Variants in EZH1 observed in about 807,000 individuals in gnomAD.
The protein encoded by EZH1 is histone-lysine N-methyltransferase EZH1.
In EZH1, 33 loss-of-function variants were observed where a neutral mutation model predicts 100.5. The ratio of observed to expected loss-of-function variants is 0.33; its 90% CI spans 0.25 to 0.44. EZH1 has a LOEUF of 0.44. Among genes scored for constraint, EZH1 ranks in the 20% least tolerant of loss-of-function variants. The pLI, the probability that EZH1 is intolerant of heterozygous loss-of-function variation, is 1.00. For synonymous variants in EZH1, 272 were observed against 313.8 expected (o/e 0.87, Z 1.41); for missense variants, 475 against 928.4 (o/e 0.51, Z 6.35).
intron 10 of EZH1, chr17:42,714,720 T>G (rs983512043): frequency 9.3e-6 from 2 of 215,770 alleles, no homozygotes; most frequent in African/African-American, 4.6e-5. Flanking sequence ...TATCTGGAAT[T>G]TGGAATAATA....
intron 11 of EZH1, 114 bp downstream of exon 11, chr17:42,713,095 T>C: frequency 5.5e-6 from 5 of 907,136 alleles, no homozygotes; most frequent in Non-Finnish European, 6.5e-6. Flanking sequence ...ACAAAACTTG[T>C]AGAAAGAATT....
chr17:42,709,594 G>A (rs2143736191), intron 13 of EZH1: 2 of 404,200 alleles, frequency 4.9e-6, no homozygotes, highest in East Asian at 8.1e-5. Flanking sequence ...ATGTCCTATT[G>A]GCCAGAAGCT....
rs1393619685 is a variant in EZH1, at chr17:42,712,355, G to C, written c.1335C>G (p.Phe445Leu). The change falls in exon 12 of 21, where the codon TTC becomes TTG. Residue 445 changes from phenylalanine to leucine, a missense_variant. Phe to Leu is a conservative substitution (Grantham distance 22). This residue lies in a region of EZH1 where 83 missense variants were observed against 142.1 expected (regional missense o/e 0.58). Coordinates refer to ENST00000428826, the MANE Select transcript of EZH1 (RefSeq NM_001991.5). Reference sequence around the variant, plus strand: ...AGAAGTTGTTGAAGTAGGTGCCATGGAAGACTCGAAAAAGAGATTCTTCAG... The same window carrying C: ...AGAAGTTGTTGAAGTAGGTGCCATGCAAGACTCGAAAAAGAGATTCTTCAG... ...TGAEESLFRV[F>L]HGTYFNNFCS... 1 of 1,614,162 alleles carries C rather than the reference G, an allele frequency of 6.2e-7. No homozygotes were observed. Among genetic ancestry groups the C allele is most frequent in the South Asian group, 1.1e-5 (1 of 91,088 alleles).
At chr17:42,707,073 A>G (rs533915167) in intron 15 of EZH1, among the ~76,000 whole-genome samples, 11 of 152,262 alleles carry the variant, frequency 7.2e-5, no homozygotes, top group African/African-American at 2.4e-4. Flanking sequence ...GAAGTAAAAG[A>G]TAAGTACCCG....
chr17:42,712,422 C>G lies in EZH1; in HGVS notation c.1268G>C (p.Cys423Ser). ...QKASPAPPQL[C>S]VVEAPSEPVE... ...AGGCTCCGAGGGTGCTTCCACTACG[C>G]AGAGTTGAGGTGGGGCTGGACTAGC... is the stretch of plus-strand genomic sequence containing the variant. The change falls in exon 12 of 21, where the codon TGC becomes TCC. Residue 423 changes from cysteine to serine, a missense_variant. Around this residue, in one of 8 missense-constraint regions of EZH1, gnomAD observed 83 missense variants for 142.1 expected, o/e 0.58. Transcript: ENST00000428826. 1 of 1,614,172 alleles carries G rather than the reference C, an allele frequency of 6.2e-7. No homozygotes were observed. Among genetic ancestry groups the G allele is most frequent in the Non-Finnish European group, 8.5e-7 (1 of 1,180,022 alleles).
At position 42,718,699 on chromosome 17, in the gene EZH1, C is replaced by G; in HGVS notation, c.768-82G>C. On this transcript the variant is annotated intron_variant, in intron 8 of 20. Coordinates refer to ENST00000428826, the MANE Select transcript of EZH1 (RefSeq NM_001991.5). This position sits in a 1 kb window ranked among gnomAD's most constrained non-coding sequence, Gnocchi z 4.2. ...TACAGATTGGGTACTGACAGTAGCT[C>G]ACCTACGGTCTGCCAAGGGAGGATG... 6.9e-7 allele frequency: 1 copy of G among 1,454,744 alleles called. No individual in the cohort carries two copies. Among genetic ancestry groups the G allele is most frequent in the Non-Finnish European group, 9.5e-7 (1 of 1,054,692 alleles). 90.1% of individuals were successfully genotyped at this position (1,454,744 alleles called of 1,614,324 possible).
intron 4 of EZH1, among the ~76,000 whole-genome samples, chr17:42,727,041 T>A (rs1225532662): frequency 6.6e-6 from 1 of 150,574 alleles, no homozygotes; most frequent in East Asian, 2.0e-4. Context: ...GTAGAGACAG[T>A]GTTTCGCTAT....
At chr17:42,712,874 C>G (rs2053513108) in intron 11 of EZH1, among the ~76,000 whole-genome samples, 1 of 152,024 alleles carries the variant, frequency 6.6e-6, no homozygotes, top group African/African-American at 2.4e-5. Flanking sequence ...CCCGTCTCTA[C>G]TAAAAATATA....
intron 15 of EZH1, 69 bp downstream of exon 15, chr17:42,707,889 T>A: frequency 6.2e-7 from 1 of 1,601,706 alleles, no homozygotes; most frequent in Non-Finnish European, 8.5e-7. Flanking sequence ...GGCACAGGAA[T>A]GGGGCAAGCC....
In EZH1 at chr17:42,706,162, G is replaced by A. The variant is rs747602257; in HGVS notation, c.1684C>T (p.Arg562Cys). 5 of 1,610,398 alleles carry A rather than the reference G, an allele frequency of 3.1e-6. No individual in the cohort carries two copies. Among genetic ancestry groups the A allele is most frequent in the Non-Finnish European group, 4.2e-6 (5 of 1,177,916 alleles). The stretch of plus-strand genomic sequence containing the variant: ...TTGGTATTGCACTGGGTCTTACAGC[G>A]ACAGCCAGGGAAACGATTCTGACCT... ...PDCQNRFPGC[R>C]CKTQCNTKQC... Residue 562 changes from arginine (R) to cysteine (C), a missense_variant, in exon 16 of 21, where the codon CGC (arginine) becomes TGC (cysteine). By Grantham distance (180) the Arg-to-Cys change is radical. Around this residue, in one of 8 missense-constraint regions of EZH1, gnomAD observed 17 missense variants for 75.8 expected, o/e 0.22. Transcript: ENST00000428826. The surrounding 1 kb of genome is among the most constrained non-coding windows in gnomAD (Gnocchi z 4.4).
chr17:42,727,153 G>A (rs74920347), intron 4 of EZH1, among the ~76,000 whole-genome samples: 7,531 of 151,992 alleles, frequency 0.05, 530 homozygotes, highest in African/African-American at 0.15. Flanking sequence ...TCCAGCCCCC[G>A]TAATTATTCT....
intron 19 of EZH1, 51 bp downstream of exon 19, chr17:42,703,689 A>G (rs1158539965): frequency 1.6e-6 from 2 of 1,262,822 alleles, no homozygotes; most frequent in Non-Finnish European, 2.3e-6. Flanking sequence ...TGGAAATCAC[A>G]GTAAAGAGGC....
At position 42,708,863 on chromosome 17, in the gene EZH1, T is replaced by C. The variant is rs777856776; in HGVS notation, c.1534+13A>G. The C allele has an allele frequency of 6.2e-7, 1 of 1,614,090 alleles. No individual in the cohort carries two copies. The highest frequency in any genetic ancestry group is 1.1e-5 in the South Asian group (1 of 91,088). ...CCAGCTGAACTGCTGAAGAATGCCC[T>C]GGTAGAACTTACCTTTCTTCAGCTG... is the stretch of plus-strand genomic sequence containing the variant. On this transcript the variant is annotated intron_variant, in intron 14 of 20. Transcript: ENST00000428826.
intron 1 of EZH1, chr17:42,731,890 G>A (rs2053957470): frequency 6.6e-6 from 1 of 152,370 alleles, no homozygotes; most frequent in South Asian, 2.1e-4. Context: ...ACAAGAGTGA[G>A]ACTCTGCCTC....
rs1484524540 is a variant in EZH1, at chr17:42,707,953, C to T, written c.1660+5G>A. 3 of 1,613,448 alleles carry T rather than the reference C, an allele frequency of 1.9e-6. No homozygotes were observed. The highest frequency in any genetic ancestry group is 2.5e-6 in the Non-Finnish European group (3 of 1,179,842). The stretch of plus-strand genomic sequence containing the variant: ...TAGACTATACAGAAAACGTAGCACA[C>T]TTACAGTCTGGGTTGCACTGGCAGA... On this transcript the variant is annotated splice_donor_5th_base_variant and intron_variant, in intron 15 of 20. Coordinates refer to ENST00000428826, the MANE Select transcript of EZH1 (RefSeq NM_001991.5).
chr17:42,708,159 C>G (rs766146101), intron 14 of EZH1, 76 bp from the exon 15 acceptor site: 4 of 1,501,586 alleles, frequency 2.7e-6, no homozygotes, highest in Non-Finnish European at 3.6e-6. Context: ...GTCCAGCTGC[C>G]CTGATTCAGA....
At chr17:42,737,856 C>A (rs995845524) in intron 1 of EZH1, among the ~76,000 whole-genome samples, 1 of 151,998 alleles carries the variant, frequency 6.6e-6, no homozygotes, top group African/African-American at 2.4e-5. Context: ...AATGGGAAAA[C>A]ATTACTGAAA....
intron 2 of EZH1, 136 bp from the exon 3 acceptor site, chr17:42,729,088 C>A: frequency 1.1e-6 from 1 of 871,954 alleles, no homozygotes; most frequent in Non-Finnish European, 1.7e-6. Context: ...TTTAAAGAAC[C>A]CAAATGTGTG....
chr17:42,705,372 A>T (rs1198773957), intron 16 of EZH1, among the ~76,000 whole-genome samples, 189 bp from the exon 17 acceptor site: 3 of 152,192 alleles, frequency 2.0e-5, no homozygotes, highest in Non-Finnish European at 4.4e-5. Flanking sequence ...GGTGGTGACG[A>T]ACGGAAATAG....
Sources: gnomAD v4.1 joint callset for allele counts (sites outside exome capture counted in the v4.1 genomes callset) on GRCh38, gnomAD v4.1.1 for gene constraint, gnomAD v4.1.1 regional missense constraint, Gnocchi (gnomAD v3.1) non-coding constraint, MANE v1.5 for transcripts, NCBI Gene and HGNC (gene_info 2026-07-23, HGNC 2026-07-21) for gene names.